The following NBPF10 variants were observed in gnomAD, a reference collection of about 807,000 sequenced individuals.
NBPF10 encodes the protein NBPF member 10, also known as NBPF family member NBPF10.
Under a neutral mutation model 77.9 loss-of-function variants are expected in NBPF10, and 63 were observed. The ratio of observed to expected loss-of-function variants is 0.81; its 90% CI spans 0.66 to 1.00. The LOEUF (loss-of-function observed/expected upper bound fraction) is 1.00. Ranked by LOEUF, NBPF10 falls within the 50% of genes least tolerant of loss-of-function variation. The pLI is 0.00. For missense variants in NBPF10, 522 were observed against 679.8 expected, an observed-to-expected ratio of 0.77 and a Z score of 2.58; for synonymous variants, 146 against 264.5, an observed-to-expected ratio of 0.55 and a Z score of 4.35.
At chr1:146,066,711 T>A (rs782035435) in intron 89 of NBPF10, 150 bp from the exon 90 acceptor site, 2 of 590,202 alleles carry the variant, frequency 3.4e-6, no homozygotes, top group Non-Finnish European at 3.0e-6. Context: ...ATTGCCTTTA[T>A]GTTGGGATAG....
In NBPF10 at chr1:146,134,187, T is replaced by C. The variant is rs1553793982; in HGVS notation, c.1379+6A>G. The C allele has an allele frequency of 1.4e-6, 2 of 1,389,538 alleles. No individual in the cohort carries two copies. Among genetic ancestry groups the C allele is most frequent in the Non-Finnish European group, 2.0e-6 (2 of 1,014,882 alleles). 86.1% of individuals were successfully genotyped at this position (1,389,538 alleles called of 1,614,324 possible). A position where few individuals can be genotyped will look rare whatever the true frequency, so the allele number is the denominator to read the frequency against. On this transcript the variant is annotated splice_donor_region_variant and intron_variant, in intron 9 of 89. Transcript: ENST00000583866. ...CCATTAATTGTTCCTGAGTATTCAG[T>C]GTTACCTGGGGGCAGATGATTTCTG...
At chr1:146,067,903 A>G (rs1553778381) in intron 88 of NBPF10, 100 bp downstream of exon 88, 3 of 704,174 alleles carry the variant, frequency 4.3e-6, no homozygotes, top group Non-Finnish European at 2.6e-6. Context: ...GCCTGCGGCA[A>G]TGACGTCTCT....
rs1351655068 is a variant in NBPF10, at chr1:146,066,632, A to C, written c.11145-71T>G. On this transcript the variant is annotated intron_variant, in intron 89 of 89. Transcript: ENST00000583866. ...CACCACAGAGCCCCAGCTAGATTTC[A>C]GAAGCAACATAAGGAAGTGGTTAGA... is the stretch of plus-strand genomic sequence containing the variant. The C allele has an allele frequency of 5.8e-6, 3 of 518,662 alleles. No homozygotes were observed. The Admixed American group carries it at 1.1e-4, about 20-fold the overall frequency. The allele number at this position is 518,662 out of a possible 1,614,324, so 32.1% of individuals were successfully genotyped here.
Position 146,127,087 on chromosome 1 carries a change from T to C in NBPF10, c.1802-8A>G, listed in dbSNP as rs1553790461. The C allele has an allele frequency of 2.1e-6, 1 of 478,390 alleles. No individual in the cohort carries two copies. The highest frequency in any genetic ancestry group is 3.6e-6 in the Non-Finnish European group (1 of 276,614). 29.6% of individuals were successfully genotyped at this position (478,390 alleles called of 1,614,324 possible). On this transcript the variant is annotated splice_region_variant and splice_polypyrimidine_tract_variant and intron_variant, in intron 12 of 89. Transcript: ENST00000583866. ...CTTGATCCCACCGATGTCCTGCAAA[T>C]AAATTCAGATGTGCCCTCTTACATT...
Position 146,136,469 on chromosome 1 carries a change from G to A in NBPF10, c.989-14C>T, listed in dbSNP as rs782522571. On this transcript the variant is annotated splice_polypyrimidine_tract_variant and intron_variant, in intron 6 of 89. Coordinates refer to ENST00000583866, the Ensembl canonical transcript of NBPF10. ...ACTCTTCATATTCTGAGAAAAGACA[G>A]ACACACCTGCCTCAGTGGAAGGCTG... 1.9e-5 allele frequency: 31 copies of A among 1,611,968 alleles called. No homozygotes were observed. Among genetic ancestry groups the A allele is most frequent in the Non-Finnish European group, 2.6e-5 (31 of 1,179,776 alleles).
intron 7 of NBPF10, among the ~76,000 whole-genome samples, chr1:146,135,873 C>T (rs1185589317): frequency 7.0e-6 from 1 of 142,488 alleles, no homozygotes; most frequent in Non-Finnish European, 1.5e-5. Context: ...CTTGCGGCCA[C>T]TAGATACAAA....
intron 13 of NBPF10, among the ~76,000 whole-genome samples, chr1:146,126,685 G>T (rs1238217361): frequency 2.8e-5 from 4 of 145,318 alleles, no homozygotes; most frequent in Non-Finnish European, 6.1e-5. Flanking sequence ...GGGAGTCAAA[G>T]GACACTCTGT....
At chr1:146,076,232 CAGATAG>C (rs1175785370) in intron 77 of NBPF10, among the ~76,000 whole-genome samples, 191 bp from the exon 78 acceptor site, 2 of 8,760 alleles carry the variant, frequency 2.3e-4, no homozygotes, top group African/African-American at 5.8e-4. Context: ...AAGAGAAAGA[CAGATAG>C]ACACACACAC....
At chr1:146,125,979 G>T (rs587623068) in intron 14 of NBPF10, among the ~76,000 whole-genome samples, 1 of 151,732 alleles carries the variant, frequency 6.6e-6, no homozygotes, top group South Asian at 2.1e-4. Flanking sequence ...TGTCATATCT[G>T]CCCAGATCCA....
rs1658451301 is a variant in NBPF10 at position 146,125,089 on chromosome 1, G to C, written c.2079-229C>G. Among the ~76,000 whole-genome samples the C allele has an allele frequency of 4.4e-5, 3 of 68,902 alleles. 1 individual carries two copies. The highest frequency in any genetic ancestry group is 8.2e-5 in the Non-Finnish European group (3 of 36,380). The allele number at this position is 68,902 out of a possible 152,430, so 45.2% of individuals were successfully genotyped here. On this transcript the variant is annotated intron_variant, in intron 15 of 89. Transcript: ENST00000583866. ...GAGAGAGAGAGAGAGAGAGGAGAAA[G>C]TGAGCTCAGCGAGTTGGCCGGGTGA...
chr1:146,142,512 T>C, intron 2 of NBPF10, 138 bp downstream of exon 2: 1 of 589,450 alleles, frequency 1.7e-6, no homozygotes, highest in Non-Finnish European at 3.1e-6. Flanking sequence ...CTGATAAATA[T>C]TTGTGTGTCA....
At chr1:146,073,515 T>C in exon 81 of NBPF10, 1 of 102,130 alleles carries the variant, frequency 9.8e-6, no homozygotes, top group Non-Finnish European at 1.9e-5. Context: ...GCATGATGGG[T>C]CTTGGTCTTC....
chr1:146,126,398 C>G, exon 14 of NBPF10: 1 of 1,271,126 alleles, frequency 7.9e-7, no homozygotes, highest in Non-Finnish European at 1.1e-6. Context: ...TCCAGCAGCT[C>G]CCTGCTGAGC....
At chr1:146,139,409 GAGACTTATTAAT>G (rs1209226098) in intron 5 of NBPF10, among the ~76,000 whole-genome samples, 1 of 151,512 alleles carries the variant, frequency 6.6e-6, no homozygotes, top group African/African-American at 2.4e-5. Context: ...GCGCCCAGCC[GAGACTTATTAAT>G]AGCTAAGACA....
At chr1:146,142,463 A>G (rs1314353724) in intron 2 of NBPF10, among the ~76,000 whole-genome samples, 187 bp downstream of exon 2, 3 of 132,820 alleles carry the variant, frequency 2.3e-5, no homozygotes, top group African/African-American at 7.5e-5. Context: ...AGGCTCTAAG[A>G]AACAACTGCA....
chr1:146,126,450 C>T lies in NBPF10; in HGVS notation c.1854-42G>A. The T allele has an allele frequency of 6.1e-6, 5 of 822,914 alleles. No homozygotes were observed. In the South Asian group the frequency reaches 6.7e-5, roughly 11 times the overall value. 51.0% of individuals were successfully genotyped at this position (822,914 alleles called of 1,614,324 possible). ...AAGTAAAGAATAAGCCAGGGGGAAT[C>T]AGAAACCACACAGCCCCAGCTAGAT... On this transcript the variant is annotated intron_variant, in intron 13 of 89. Coordinates refer to ENST00000583866, the Ensembl canonical transcript of NBPF10.
Position 146,067,223 on chromosome 1 carries a change from C to A in NBPF10, c.11101G>T (p.Gly3701Ter), listed in dbSNP as rs781783313. 4 of 565,666 alleles carry A rather than the reference C, an allele frequency of 7.1e-6. No homozygotes were observed. Among genetic ancestry groups the A allele is most frequent in the East Asian group, 3.1e-5 (1 of 32,692 alleles). 35.0% of individuals were successfully genotyped at this position (565,666 alleles called of 1,614,324 possible). A position where few individuals can be genotyped will look rare whatever the true frequency, so the allele number is the denominator to read the frequency against. ...TGATCTTCTTCCCCTTCTTTTCTTCCCCTTCTTCTTTCCTTCTTTGATCTT... is the reference window on the plus strand; with the variant it reads ...TGATCTTCTTCCCCTTCTTTTCTTCACCTTCTTCTTTCCTTCTTTGATCTT... The change falls in exon 89 of 90, where the codon GGA (glycine) becomes TGA (stop). Residue 3701 changes from glycine to a stop codon, truncating the protein, a stop_gained. Transcript: ENST00000583866. LOFTEE classifies it high-confidence loss of function.
chr1:146,066,853 T>G (rs587601717), intron 89 of NBPF10, among the ~76,000 whole-genome samples: 1 of 151,634 alleles, frequency 6.6e-6, no homozygotes, highest in Admixed American at 6.6e-5. Context: ...AAGGACACTC[T>G]GACTTAGTGC....
intron 14 of NBPF10, among the ~76,000 whole-genome samples, chr1:146,125,881 T>C (rs1319516269): frequency 1.3e-5 from 2 of 151,316 alleles, no homozygotes; most frequent in African/African-American, 2.4e-5. Flanking sequence ...TTGTTCATGG[T>C]AGCGAGGATT....
Sources: gnomAD v4.1 joint callset for allele counts (sites outside exome capture counted in the v4.1 genomes callset) on GRCh38, gnomAD v4.1.1 for gene constraint, MANE v1.5 for transcripts, NCBI Gene and HGNC (gene_info 2026-07-23, HGNC 2026-07-21) for gene names.